The following CNIH3 variants were observed in gnomAD, a reference collection of about 807,000 sequenced individuals.
CNIH3 encodes the protein protein cornichon homolog 3.
CNIH3 carries 14 observed loss-of-function variants against 24.1 expected under a neutral mutation model. The ratio of observed to expected loss-of-function variants is 0.58; its 90% confidence interval spans 0.38 to 0.91. The LOEUF (loss-of-function observed/expected upper bound fraction) is 0.91, where lower values mean the gene tolerates loss of function less well. CNIH3 is among the 40% of genes least tolerant of loss of function. The pLI, the probability that CNIH3 is intolerant of heterozygous loss-of-function variation, is 0.00. For synonymous variants in CNIH3, 68 were observed against 73.8 expected, an observed-to-expected ratio of 0.92 and a Z score of 0.40; for missense variants, 178 against 196.8, an observed-to-expected ratio of 0.90 and a Z score of 0.57.
intron 1 of CNIH3, among the ~76,000 whole-genome samples, chr1:224,487,925 A>G (rs1677090178): frequency 6.6e-6 from 1 of 152,172 alleles, no homozygotes; most frequent in Non-Finnish European, 1.5e-5. Flanking sequence ...TTTAAAAAGA[A>G]ACAATAAATC....
intron 1 of CNIH3, among the ~76,000 whole-genome samples, chr1:224,633,082 C>T (rs1019150235): frequency 1.3e-5 from 2 of 152,168 alleles, no homozygotes; most frequent in Non-Finnish European, 2.9e-5. Flanking sequence ...TGTCTTTCTC[C>T]TGTCGTGGTT....
intron 1 of CNIH3, among the ~76,000 whole-genome samples, chr1:224,668,807 G>A (rs1685723781): frequency 6.6e-6 from 1 of 152,072 alleles, no homozygotes; most frequent in Non-Finnish European, 1.5e-5. Context: ...GAGAGGAGGG[G>A]GAACCTGGGG....
chr1:224,608,617 T>A (rs1013492558), intron 3 of CNIH3, among the ~76,000 whole-genome samples: 2 of 152,256 alleles, frequency 1.3e-5, no homozygotes, highest in Admixed American at 1.3e-4. Flanking sequence ...CAGGGGTCGA[T>A]CTTTAACCAG....
chr1:224,462,926 C>T (rs1375732883), intron 1 of CNIH3, among the ~76,000 whole-genome samples: 4 of 97,270 alleles, frequency 4.1e-5, no homozygotes, highest in Non-Finnish European at 7.6e-5. Context: ...TTTTTTGAGA[C>T]AGTCTTGCTC....
intron 1 of CNIH3, among the ~76,000 whole-genome samples, chr1:224,448,205 C>T (rs920636765): frequency 1.3e-5 from 2 of 151,944 alleles, no homozygotes; most frequent in African/African-American, 4.8e-5. Flanking sequence ...CCACTGTACT[C>T]CAGCCTGGAC....
At chr1:224,595,933 C>A (rs1019423468) in intron 3 of CNIH3, among the ~76,000 whole-genome samples, 2 of 152,170 alleles carry the variant, frequency 1.3e-5, no homozygotes, top group Admixed American at 6.5e-5. Flanking sequence ...AAGCTAGCAG[C>A]GGCTGGTTTA....
chr1:224,714,446 G>C (rs913511798), intron 3 of CNIH3, among the ~76,000 whole-genome samples: 4 of 152,194 alleles, frequency 2.6e-5, no homozygotes, highest in African/African-American at 7.2e-5. Flanking sequence ...TGTGCTGGCT[G>C]TTTCCTTTGC....
intron 1 of CNIH3, among the ~76,000 whole-genome samples, chr1:224,445,841 ATTC>A (rs1194055737): frequency 6.6e-6 from 1 of 152,150 alleles, no homozygotes; most frequent in Non-Finnish European, 1.5e-5. Context: ...GCATAAATAT[ATTC>A]TTCTGTGTTA....
At chr1:224,711,794 C>CAAA (rs11437581) in intron 3 of CNIH3, among the ~76,000 whole-genome samples, 15,362 of 65,518 alleles carry the variant, frequency 0.23, 1,792 homozygotes, top group East Asian at 0.3. Flanking sequence ...GACCCTGTCT[C>CAAA]AAAAAAAAAA....
chr1:224,442,886 A>G (rs1674981459), intron 1 of CNIH3, among the ~76,000 whole-genome samples: 1 of 152,182 alleles, frequency 6.6e-6, no homozygotes, highest in Non-Finnish European at 1.5e-5. Flanking sequence ...AGCAAGTCCT[A>G]TACGTTCATT....
chr1:224,594,646 C>T (rs111344827), intron 3 of CNIH3, among the ~76,000 whole-genome samples: 1,867 of 152,238 alleles, frequency 0.012, 40 homozygotes, highest in African/African-American at 0.042. Context: ...AAAGGTCAGG[C>T]GGAGCAGCAT....
intron 2 of CNIH3, among the ~76,000 whole-genome samples, chr1:224,544,668 A>G (rs1679636279): frequency 1.3e-5 from 2 of 152,152 alleles, no homozygotes; most frequent in Non-Finnish European, 2.9e-5. Flanking sequence ...AGAGCCCATG[A>G]CCGCTGTGCT....
intron 1 of CNIH3, among the ~76,000 whole-genome samples, chr1:224,645,671 G>A (rs959310874): frequency 6.6e-6 from 1 of 152,230 alleles, no homozygotes; most frequent in African/African-American, 2.4e-5. Context: ...AGCAGGTGCA[G>A]CACTCATTGT....
chr1:224,579,884 TTG>T (rs1167726548), intron 4 of CNIH3, among the ~76,000 whole-genome samples: 1 of 152,220 alleles, frequency 6.6e-6, no homozygotes, highest in Non-Finnish European at 1.5e-5. Flanking sequence ...GTCAGCAGAA[TTG>T]TGTGTTAAAT....
At chr1:224,504,204 C>T (rs575026571) in intron 1 of CNIH3, among the ~76,000 whole-genome samples, 1 of 152,314 alleles carries the variant, frequency 6.6e-6, no homozygotes, top group South Asian at 2.1e-4. Flanking sequence ...TCTGTTTTCT[C>T]ACCTGGGAGG....
intron 4 of CNIH3, among the ~76,000 whole-genome samples, chr1:224,732,733 A>G (rs536984002): frequency 5.9e-5 from 9 of 152,284 alleles, no homozygotes; most frequent in African/African-American, 1.9e-4. Flanking sequence ...TGGACAAAAC[A>G]TCGATCAGGG....
intron 3 of CNIH3, among the ~76,000 whole-genome samples, chr1:224,606,632 G>A (rs1682435685): frequency 6.6e-6 from 1 of 152,206 alleles, no homozygotes; most frequent in Admixed American, 6.5e-5. Context: ...AAACAAAAGT[G>A]CATGTTCTCA....
intron 1 of CNIH3, among the ~76,000 whole-genome samples, chr1:224,448,193 T>C (rs908843789): frequency 6.6e-6 from 1 of 152,086 alleles, no homozygotes; most frequent in Admixed American, 6.6e-5. Context: ...GCTGTGATCG[T>C]GCCACTGTAC....
chr1:224,658,887 AT>A (rs1374981434), intron 1 of CNIH3, among the ~76,000 whole-genome samples: 1 of 152,212 alleles, frequency 6.6e-6, no homozygotes, highest in Non-Finnish European at 1.5e-5. Context: ...ATTTTATCTA[AT>A]TTTAATCAAT....
Sources: allele counts gnomAD v4.1 joint callset (sites outside exome capture counted in the v4.1 genomes callset), GRCh38; gene constraint gnomAD v4.1.1; transcripts MANE v1.5; gene names NCBI Gene and HGNC (gene_info 2026-07-23, HGNC 2026-07-21).